Variants in JPH3 observed in about 807,000 individuals in gnomAD.
JPH3 encodes the protein junctophilin-3.
A neutral mutation model predicts 59.6 loss-of-function variants in JPH3; 11 were observed. The observed-to-expected ratio is 0.18, with a 90% CI of 0.12 to 0.31. JPH3 has a LOEUF of 0.31. Among genes scored for constraint, JPH3 ranks in the 10% least tolerant of loss-of-function variants. JPH3 has a pLI of 1.00. For missense variants in JPH3, 1,202 were observed against 1,105.7 expected (o/e 1.09, Z -1.24); for synonymous variants, 673 against 483.6 (o/e 1.39, Z -5.14).
chr16:87,670,005 G>A (rs1028506937), intron 2 of JPH3, among the ~76,000 whole-genome samples: 15 of 152,144 alleles, frequency 9.9e-5, no homozygotes, highest in Non-Finnish European at 1.8e-4. Flanking sequence ...TGCGTCCCGA[G>A]GCTGTGGGAG....
intron 2 of JPH3, among the ~76,000 whole-genome samples, chr16:87,659,748 G>T (rs2032641115): frequency 6.6e-6 from 1 of 152,042 alleles, no homozygotes. Context: ...AAAAAAGGAT[G>T]ATTTTTAACC....
At chr16:87,668,256 C>T (rs999619478) in intron 2 of JPH3, among the ~76,000 whole-genome samples, 1 of 152,152 alleles carries the variant, frequency 6.6e-6, no homozygotes, top group South Asian at 2.1e-4. Context: ...CCGGCACATG[C>T]GTCTGACAGC....
chr16:87,621,646 C>A (rs768885747), intron 1 of JPH3, among the ~76,000 whole-genome samples: 4 of 152,206 alleles, frequency 2.6e-5, no homozygotes, highest in African/African-American at 4.8e-5. Context: ...CAGCCAAGCC[C>A]CCGGAAGGCT....
intron 2 of JPH3, among the ~76,000 whole-genome samples, chr16:87,663,843 G>T (rs2032778826): frequency 6.6e-6 from 1 of 152,074 alleles, no homozygotes; most frequent in Non-Finnish European, 1.5e-5. Flanking sequence ...TTTTTATTAG[G>T]GTTTCTGTCT....
chr16:87,639,329 A>C (rs1052694214), intron 1 of JPH3, among the ~76,000 whole-genome samples: 4 of 151,286 alleles, frequency 2.6e-5, no homozygotes, highest in Admixed American at 1.3e-4. Context: ...GAGGCCTCCT[A>C]GCCCCTTCCT....
chr16:87,672,419 T>C (rs1446333288), intron 2 of JPH3, among the ~76,000 whole-genome samples: 1 of 152,148 alleles, frequency 6.6e-6, no homozygotes, highest in African/African-American at 2.4e-5. Flanking sequence ...AGGGGTTCCG[T>C]CCCAGGGGCC....
At chr16:87,668,897 C>A (rs1046194342) in intron 2 of JPH3, among the ~76,000 whole-genome samples, 1 of 134,900 alleles carries the variant, frequency 7.4e-6, no homozygotes, top group Non-Finnish European at 1.8e-5. Context: ...CCGGCTGTCC[C>A]GGAGGCCGTG....
intron 1 of JPH3, chr16:87,604,468 C>G (rs1488186678): frequency 7.3e-7 from 1 of 1,363,024 alleles, no homozygotes; most frequent in Admixed American, 2.2e-5. Context: ...AACAAACTGG[C>G]TTCCCCGACC....
chr16:87,689,368 T>C (rs1324979234), intron 3 of JPH3, among the ~76,000 whole-genome samples: 2 of 152,102 alleles, frequency 1.3e-5, no homozygotes, highest in Non-Finnish European at 2.9e-5. Flanking sequence ...GAGCCTTGGG[T>C]CTCCCTTGTA....
chr16:87,626,792 G>C (rs973863755), intron 1 of JPH3, among the ~76,000 whole-genome samples: 6 of 152,214 alleles, frequency 3.9e-5, no homozygotes, highest in Non-Finnish European at 7.3e-5. Flanking sequence ...AAGAGAAGAC[G>C]TGAGCTTCAC....
intron 1 of JPH3, among the ~76,000 whole-genome samples, chr16:87,606,807 G>C (rs184155940): frequency 6.6e-6 from 1 of 152,164 alleles, no homozygotes; most frequent in East Asian, 1.9e-4. Context: ...ACAGGAGACT[G>C]GTGATCATGT....
At position 87,603,060 on chromosome 16, in the gene JPH3, C is replaced by A; in HGVS notation, c.-87C>A. 1 of 1,569,032 alleles carries A rather than the reference C, an allele frequency of 6.4e-7. No individual in the cohort carries two copies. Among genetic ancestry groups the A allele is most frequent in the East Asian group, 2.3e-5 (1 of 44,148 alleles). On this transcript the variant is annotated 5_prime_UTR_variant, in exon 1 of 5. Coordinates refer to ENST00000284262, the MANE Select transcript of JPH3 (RefSeq NM_020655.4). The stretch of plus-strand genomic sequence containing the variant: ...CTCTCCTCCGGAAAACGCTCGCGAC[C>A]CAGGGCCGCCGGCGGCCGCGACTCT...
At chr16:87,684,107 C>A (rs752833221) in intron 2 of JPH3, 35 bp from the exon 3 acceptor site, 2 of 1,567,042 alleles carry the variant, frequency 1.3e-6, no homozygotes, top group African/African-American at 1.3e-5. Context: ...CCTGTGCCCC[C>A]TGCCCCCCCT....
chr16:87,690,949 C>T (rs991438272), intron 4 of JPH3, among the ~76,000 whole-genome samples: 6 of 152,210 alleles, frequency 3.9e-5, no homozygotes, highest in African/African-American at 1.4e-4. Flanking sequence ...GCAAGGCTGG[C>T]CCTGGGGCTG....
At chr16:87,642,529 G>A (rs964252523) in intron 1 of JPH3, among the ~76,000 whole-genome samples, 94 of 152,244 alleles carry the variant, frequency 6.2e-4, no homozygotes, top group African/African-American at 2.2e-3. Context: ...TAAAACCTAC[G>A]TATCAGTAAG....
chr16:87,626,631 C>T (rs1017897656), intron 1 of JPH3, among the ~76,000 whole-genome samples: 5 of 152,260 alleles, frequency 3.3e-5, no homozygotes, highest in South Asian at 2.1e-4. Context: ...ACGCAGTCCT[C>T]GGCCTGAGGC....
rs2030272945 is a variant in JPH3, at chr16:87,602,600, C to A, written c.-547C>A. On this transcript the variant is annotated 5_prime_UTR_variant, in exon 1 of 5. Coordinates refer to ENST00000284262, the MANE Select transcript of JPH3 (RefSeq NM_020655.4). Reference sequence around the variant, plus strand: ...GCATTGCTGCTGCTGCTGCCGCCGCCGCCCCGCGCCCGGCCCGCGGCCCCC... The same window carrying A: ...GCATTGCTGCTGCTGCTGCCGCCGCAGCCCCGCGCCCGGCCCGCGGCCCCC... 7.0e-6 allele frequency among the ~76,000 whole-genome samples: 1 copy of A among 142,658 alleles called. No individual in the cohort carries two copies. The highest frequency in any genetic ancestry group is 2.5e-5 in the African/African-American group (1 of 39,980). The allele number at this position is 142,658 out of a possible 152,430, so 93.6% of individuals were successfully genotyped here.
Position 87,659,392 on chromosome 16 carries a change from AAAAAAAG to A in JPH3, c.1160+14362_1160+14368del, listed in dbSNP as rs1567603530. Among the ~76,000 whole-genome samples, 16 of 145,940 alleles carry A rather than the reference AAAAAAAG, an allele frequency of 1.1e-4. 2 individuals carry two copies. Among genetic ancestry groups the A allele is most frequent in the East Asian group, 4.1e-4 (2 of 4,896 alleles). On this transcript the variant is annotated intron_variant, in intron 2 of 4. Coordinates refer to ENST00000284262, the MANE Select transcript of JPH3 (RefSeq NM_020655.4). The stretch of plus-strand genomic sequence containing the variant: ...ACTGTCTCAAAAAAAAAAAAGAAAA[AAAAAAAG>A]AAAACTACACACACATACACACAAC...
At chr16:87,672,097 A>C (rs962568186) in intron 2 of JPH3, among the ~76,000 whole-genome samples, 2 of 151,562 alleles carry the variant, frequency 1.3e-5, no homozygotes, top group South Asian at 4.2e-4. Context: ...GGCGGGGTTC[A>C]CCTGCTATCC....
Sources: allele counts gnomAD v4.1 joint callset (sites outside exome capture counted in the v4.1 genomes callset), GRCh38; gene constraint gnomAD v4.1.1; transcripts MANE v1.5; gene names NCBI Gene and HGNC (gene_info 2026-07-23, HGNC 2026-07-21).